FAM168A: variants seen among roughly 807,000 people sequenced by gnomAD.
FAM168A encodes the protein protein FAM168A.
In FAM168A, 3 loss-of-function variants were observed where a neutral mutation model predicts 28.5. That is an observed-to-expected ratio of 0.11 (90% CI 0.05 to 0.27). The LOEUF (loss-of-function observed/expected upper bound fraction) is 0.27, where lower values mean the gene tolerates loss of function less well. FAM168A is among the 10% of genes least tolerant of loss of function. FAM168A has a pLI of 1.00. For missense variants in FAM168A, 222 were observed against 311.5 expected (o/e 0.71, Z 2.16); for synonymous variants, 122 against 124.2 (o/e 0.98, Z 0.12).
chr11:73,400,772 T>G lies in FAM168A; in HGVS notation c.*5991A>C, dbSNP rs2134465045. The G allele has an allele frequency of 6.6e-6, 1 of 152,180 alleles. No individual in the cohort carries two copies. The highest frequency in any genetic ancestry group is 6.5e-5 in the Admixed American group (1 of 15,294). 9.4% of individuals were successfully genotyped at this position (152,180 alleles called of 1,614,324 possible). A position where few individuals can be genotyped will look rare whatever the true frequency, so the allele number is the denominator to read the frequency against. The stretch of plus-strand genomic sequence containing the variant: ...CTGTGCCTCCCTCCCCAAGAACCAC[T>G]CAGTCTAGTCACCTAAGACTTTTTT... On this transcript the variant is annotated 3_prime_UTR_variant, in exon 8 of 8. Transcript: ENST00000356467.
chr11:73,463,852 A>G (rs1336258551), intron 2 of FAM168A, among the ~76,000 whole-genome samples: 1 of 152,248 alleles, frequency 6.6e-6, no homozygotes, highest in Non-Finnish European at 1.5e-5. Context: ...AGGAGATTAT[A>G]TTCATGAGAA....
At chr11:73,585,194 A>G (rs186464419) in intron 1 of FAM168A, among the ~76,000 whole-genome samples, 68 of 152,372 alleles carry the variant, frequency 4.5e-4, no homozygotes, top group Admixed American at 1.2e-3. Context: ...CCTTCTTCAT[A>G]TACTGAAAGT....
At chr11:73,414,870 C>T (rs1272257320) in intron 4 of FAM168A, among the ~76,000 whole-genome samples, 6 of 152,190 alleles carry the variant, frequency 3.9e-5, no homozygotes, top group African/African-American at 1.2e-4. Flanking sequence ...AATGTTATGG[C>T]TTAAAATGCC....
At chr11:73,441,761 G>T (rs1410003821) in intron 2 of FAM168A, among the ~76,000 whole-genome samples, 2 of 152,132 alleles carry the variant, frequency 1.3e-5, no homozygotes, top group Non-Finnish European at 2.9e-5. Flanking sequence ...CTAGGAATTT[G>T]TCTATTTCAC....
chr11:73,423,704 T>C (rs1301928469), intron 3 of FAM168A, among the ~76,000 whole-genome samples: 2 of 152,200 alleles, frequency 1.3e-5, no homozygotes, highest in Non-Finnish European at 1.5e-5. Context: ...AGCTCTCTCA[T>C]GCATACCTAT....
chr11:73,578,220 T>C (rs1186286913), intron 1 of FAM168A, among the ~76,000 whole-genome samples: 2 of 152,142 alleles, frequency 1.3e-5, no homozygotes, highest in Non-Finnish European at 2.9e-5. Flanking sequence ...TGAATCCTGA[T>C]TGATCTGACC....
At chr11:73,432,642 G>A (rs1468548766) in intron 2 of FAM168A, among the ~76,000 whole-genome samples, 3 of 152,020 alleles carry the variant, frequency 2.0e-5, no homozygotes, top group Admixed American at 6.6e-5. Context: ...GGCCGGGCGC[G>A]GTGGCTCATG....
At chr11:73,580,160 G>T (rs542115887) in intron 1 of FAM168A, 39 of 374,706 alleles carry the variant, frequency 1.0e-4, no homozygotes, top group Non-Finnish European at 1.9e-4. Context: ...CAGAAGAAGA[G>T]GTGAGAACGA....
At chr11:73,409,370 G>T in intron 6 of FAM168A, 117 bp downstream of exon 6, 1 of 1,341,066 alleles carries the variant, frequency 7.5e-7, no homozygotes, top group Non-Finnish European at 1.0e-6. Flanking sequence ...GGGTTCCCAA[G>T]CCCCCTGGCA....
At chr11:73,467,245 T>C (rs1432961304) in intron 2 of FAM168A, among the ~76,000 whole-genome samples, 1 of 151,840 alleles carries the variant, frequency 6.6e-6, no homozygotes, top group Non-Finnish European at 1.5e-5. Flanking sequence ...ATTATCTTGT[T>C]TGATTCTCAC....
rs779038459 is a variant in FAM168A, at chr11:73,442,195, G to A, written c.71-11425C>T. Among the ~76,000 whole-genome samples the A allele has an allele frequency of 1.1e-4, 17 of 148,664 alleles. 1 individual carries two copies. Among genetic ancestry groups the A allele is most frequent in the Non-Finnish European group, 8.9e-5 (6 of 67,542 alleles). On this transcript the variant is annotated intron_variant, in intron 2 of 7. Transcript: ENST00000356467. ...GGCTGGAGTGCAATGGCACAATCTC[G>A]GCTCACTGCAAGCTCCACCTCCCGG...
intron 1 of FAM168A, among the ~76,000 whole-genome samples, chr11:73,480,228 T>C (rs1397499042): frequency 6.6e-6 from 1 of 152,204 alleles, no homozygotes; most frequent in African/African-American, 2.4e-5. Context: ...CCCAGCTTTG[T>C]GCGTGCCTGT....
intron 1 of FAM168A, among the ~76,000 whole-genome samples, chr11:73,561,695 TAG>T (rs1321774053): frequency 2.6e-5 from 4 of 152,186 alleles, no homozygotes; most frequent in Non-Finnish European, 5.9e-5. Flanking sequence ...ATCATATAAG[TAG>T]AGTCATTCAC....
Position 73,598,026 on chromosome 11 carries a change from A to G in FAM168A, c.-122T>C, listed in dbSNP as rs1196279270. 1.3e-5 allele frequency: 2 copies of G among 152,252 alleles called. No homozygotes were observed. The highest frequency in any genetic ancestry group is 2.0e-4 in the South Asian group (1 of 4,948). 9.4% of individuals were successfully genotyped at this position (152,252 alleles called of 1,614,324 possible). ...GGCGACGCTCTCGCCCGTGTCCAGT[A>G]GGGTGGCGGATGGCGCGCGGGGACC... On this transcript the variant is annotated 5_prime_UTR_variant, in exon 1 of 8. Coordinates refer to ENST00000356467, the MANE Select transcript of FAM168A (RefSeq NM_015159.3).
rs1447565429 is a variant in FAM168A, at chr11:73,561,662, T to C, written c.-19+36261A>G. Among the ~76,000 whole-genome samples the C allele has an allele frequency of 2.0e-5, 3 of 152,116 alleles. No homozygotes were observed. The East Asian group carries it at 5.8e-4, about 29-fold the overall frequency. On this transcript the variant is annotated intron_variant, in intron 1 of 7. Transcript: ENST00000356467. ...TAGAGAACTAGAAATGGCATAGCCA[T>C]TCACTCTTTTTTTAAGCATCTGATC...
At chr11:73,543,410 G>A (rs1254005614) in intron 1 of FAM168A, among the ~76,000 whole-genome samples, 8 of 151,770 alleles carry the variant, frequency 5.3e-5, no homozygotes, top group East Asian at 1.9e-4. Flanking sequence ...ACAGGCACCC[G>A]CCACCATGCC....
intron 6 of FAM168A, among the ~76,000 whole-genome samples, chr11:73,408,062 G>A (rs1009447128): frequency 6.6e-6 from 1 of 152,094 alleles, no homozygotes; most frequent in Non-Finnish European, 1.5e-5. Flanking sequence ...CTAGAGATGG[G>A]GTTTCACCAT....
Position 73,462,862 on chromosome 11 carries a change from G to GAAGAAAA in FAM168A, c.70+5536_70+5542dup, listed in dbSNP as rs370872000. Reference sequence around the variant, plus strand: ...GGCTATAGAGAGAGACTCCAAGTCAGAAGAAAAGAGAAGAGAAGAGAGGAG... The same window carrying GAAGAAAA: ...GGCTATAGAGAGAGACTCCAAGTCAGAAGAAAAAAGAAAAGAGAAGAGAAGAGAGGAG... On this transcript the variant is annotated intron_variant, in intron 2 of 7. Coordinates refer to ENST00000356467, the MANE Select transcript of FAM168A (RefSeq NM_015159.3). Among the ~76,000 whole-genome samples, 190 of 151,436 alleles carry GAAGAAAA rather than the reference G, an allele frequency of 1.3e-3. 1 individual carries two copies. Among genetic ancestry groups the GAAGAAAA allele is most frequent in the African/African-American group, 4.4e-3 (180 of 41,286 alleles).
intron 1 of FAM168A, among the ~76,000 whole-genome samples, chr11:73,531,398 C>T (rs1333373747): frequency 6.6e-6 from 1 of 152,136 alleles, no homozygotes; most frequent in Non-Finnish European, 1.5e-5. Flanking sequence ...TGCACTGGCT[C>T]ACAAAGAGCA....
Sources: gnomAD v4.1 joint callset for allele counts (sites outside exome capture counted in the v4.1 genomes callset) on GRCh38, gnomAD v4.1.1 for gene constraint, MANE v1.5 for transcripts, NCBI Gene and HGNC (gene_info 2026-07-23, HGNC 2026-07-21) for gene names.